GALNT17: variants seen among roughly 807,000 people sequenced by gnomAD.
GALNT17 encodes the protein polypeptide N-acetylgalactosaminyltransferase 17.
Under a neutral mutation model 63.7 loss-of-function variants are expected in GALNT17, and 29 were observed. The ratio of observed to expected loss-of-function variants is 0.46; its 90% CI spans 0.34 to 0.62. GALNT17 has a LOEUF of 0.62. Among genes scored for constraint, GALNT17 ranks in the 20% least tolerant of loss-of-function variants. The pLI is 0.01. For missense variants in GALNT17, 603 were observed against 799.6 expected, an observed-to-expected ratio of 0.75 and a Z score of 2.97; for synonymous variants, 305 against 318.3, an observed-to-expected ratio of 0.96 and a Z score of 0.45.
intron 9 of GALNT17, among the ~76,000 whole-genome samples, chr7:71,700,299 C>A (rs1420250505): frequency 1.9e-5 from 2 of 105,130 alleles, no homozygotes; most frequent in South Asian, 3.3e-4. Flanking sequence ...CATAGTGAGA[C>A]TTTCTCAAAA....
chr7:71,657,836 T>C (rs1236562681), intron 6 of GALNT17, among the ~76,000 whole-genome samples: 1 of 150,262 alleles, frequency 6.7e-6, no homozygotes, highest in Non-Finnish European at 1.5e-5. Context: ...GTGTTTGCAA[T>C]TTTATTTCAT....
At chr7:71,327,357 G>A (rs995466470) in intron 1 of GALNT17, among the ~76,000 whole-genome samples, 1 of 152,184 alleles carries the variant, frequency 6.6e-6, no homozygotes, top group East Asian at 1.9e-4. Context: ...AGACAAGAGA[G>A]AATGAGAGCC....
intron 2 of GALNT17, among the ~76,000 whole-genome samples, chr7:71,343,767 T>G (rs1346499873): frequency 6.6e-6 from 1 of 152,226 alleles, no homozygotes; most frequent in Non-Finnish European, 1.5e-5. Context: ...CAAAGATCTG[T>G]CCCTCTTTTT....
chr7:71,149,073 C>T (rs1423947095), intron 1 of GALNT17, among the ~76,000 whole-genome samples: 2 of 151,596 alleles, frequency 1.3e-5, no homozygotes, highest in Non-Finnish European at 2.9e-5. Context: ...TGCCAACATG[C>T]CCTGCTAATT....
At chr7:71,369,771 CA>C (rs1470197795) in intron 2 of GALNT17, among the ~76,000 whole-genome samples, 1 of 138,392 alleles carries the variant, frequency 7.2e-6, no homozygotes, top group African/African-American at 2.7e-5. Flanking sequence ...GAGATCGCAC[CA>C]TTGCGCTCCA....
intron 6 of GALNT17, among the ~76,000 whole-genome samples, chr7:71,610,344 T>C (rs1316181347): frequency 6.6e-6 from 1 of 151,956 alleles, no homozygotes; most frequent in Non-Finnish European, 1.5e-5. Context: ...TAACTGGGCA[T>C]GGTTGTGCAC....
chr7:71,313,981 G>A (rs1791456847), intron 1 of GALNT17, among the ~76,000 whole-genome samples: 1 of 152,030 alleles, frequency 6.6e-6, no homozygotes, highest in Non-Finnish European at 1.5e-5. Context: ...TCACTAGGTT[G>A]TCTACTTGGA....
chr7:71,577,832 G>C (rs1789563409), intron 6 of GALNT17, among the ~76,000 whole-genome samples: 2 of 151,924 alleles, frequency 1.3e-5, no homozygotes, highest in South Asian at 4.2e-4. Flanking sequence ...TCAGGACTCA[G>C]GTGGAGACAT....
chr7:71,685,914 GT>G (rs5884855), intron 9 of GALNT17, among the ~76,000 whole-genome samples: 43,621 of 118,488 alleles, frequency 0.37, 7,542 homozygotes, highest in African/African-American at 0.54. Flanking sequence ...AGGTTCTTGG[GT>G]TTTTTTTTTT....
At chr7:71,134,653 A>C (rs375678196) in intron 1 of GALNT17, among the ~76,000 whole-genome samples, 1 of 152,084 alleles carries the variant, frequency 6.6e-6, no homozygotes, top group Non-Finnish European at 1.5e-5. Flanking sequence ...TATGGCACAG[A>C]ATGCGACAAA....
chr7:71,566,335 T>C (rs1789346437), intron 5 of GALNT17, among the ~76,000 whole-genome samples: 1 of 152,154 alleles, frequency 6.6e-6, no homozygotes, highest in Non-Finnish European at 1.5e-5. Flanking sequence ...TTAACTACCC[T>C]GTTTGCCTCT....
At chr7:71,673,517 T>C (rs1053297483) in intron 8 of GALNT17, among the ~76,000 whole-genome samples, 1 of 152,218 alleles carries the variant, frequency 6.6e-6, no homozygotes, top group East Asian at 1.9e-4. Context: ...GGGTAGTAAG[T>C]AGGACTTTGG....
chr7:71,289,675 T>C (rs1790941098), intron 1 of GALNT17, among the ~76,000 whole-genome samples: 2 of 151,300 alleles, frequency 1.3e-5, no homozygotes, highest in African/African-American at 4.9e-5. Flanking sequence ...AGGTTGGGAG[T>C]TCGAGACCAG....
chr7:71,695,178 C>T (rs1164172105), intron 9 of GALNT17, among the ~76,000 whole-genome samples: 1 of 152,168 alleles, frequency 6.6e-6, no homozygotes, highest in African/African-American at 2.4e-5. Context: ...ATCCTGGTGC[C>T]CCACACCAAG....
chr7:71,522,182 C>T (rs1328955464), intron 5 of GALNT17, among the ~76,000 whole-genome samples: 1 of 152,166 alleles, frequency 6.6e-6, no homozygotes, highest in Non-Finnish European at 1.5e-5. Flanking sequence ...CACAGGGCTT[C>T]TGTGAGTTCC....
intron 1 of GALNT17, among the ~76,000 whole-genome samples, chr7:71,166,630 T>G (rs1450418495): frequency 6.6e-6 from 1 of 152,218 alleles, no homozygotes; most frequent in Non-Finnish European, 1.5e-5. Flanking sequence ...TTTGTCTGAC[T>G]TCTTTCACTC....
At chr7:71,196,995 G>C (rs572644922) in intron 1 of GALNT17, among the ~76,000 whole-genome samples, 1 of 151,720 alleles carries the variant, frequency 6.6e-6, no homozygotes. Context: ...TTGTGGATAC[G>C]TAGTAGGTGT....
chr7:71,259,415 T>C (rs921005944), intron 1 of GALNT17, among the ~76,000 whole-genome samples: 2 of 152,122 alleles, frequency 1.3e-5, no homozygotes, highest in African/African-American at 4.8e-5. Flanking sequence ...TATGAAAACA[T>C]AGAGAAGTCG....
chr7:71,686,991 T>C (rs1791370053), intron 9 of GALNT17, among the ~76,000 whole-genome samples: 1 of 152,092 alleles, frequency 6.6e-6, no homozygotes, highest in African/African-American at 2.4e-5. Flanking sequence ...GAATTGAGGG[T>C]GGGAGTCCCT....
Sources: gnomAD v4.1 joint callset for allele counts (sites outside exome capture counted in the v4.1 genomes callset) on GRCh38, gnomAD v4.1.1 for gene constraint, MANE v1.5 for transcripts, NCBI Gene and HGNC (gene_info 2026-07-23, HGNC 2026-07-21) for gene names.